SYN3: variants seen among roughly 807,000 people sequenced by gnomAD.
The protein encoded by SYN3 is synapsin-3.
SYN3 carries 35 observed loss-of-function variants against 65.8 expected under a neutral mutation model. That is an observed-to-expected ratio of 0.53 (90% CI 0.41 to 0.70). The LOEUF is 0.70. Ranked by LOEUF, SYN3 falls within the 30% of genes least tolerant of loss-of-function variation. SYN3 has a pLI of 0.00. For synonymous variants in SYN3, 270 were observed against 292.9 expected (o/e 0.92, Z 0.80); for missense variants, 680 against 749.0 (o/e 0.91, Z 1.08).
intron 2 of SYN3, among the ~76,000 whole-genome samples, chr22:32,983,814 A>G (rs190991102): frequency 6.6e-6 from 1 of 152,308 alleles, no homozygotes; most frequent in East Asian, 1.9e-4. Context: ...CCTATGGGTC[A>G]TATGTCTAAT....
At chr22:32,523,267 C>A (rs963471049) in intron 12 of SYN3, among the ~76,000 whole-genome samples, 1 of 152,182 alleles carries the variant, frequency 6.6e-6, no homozygotes, top group African/African-American at 2.4e-5. Context: ...AATCCCAGCA[C>A]TTTGGGAGGC....
At chr22:33,027,950 C>A (rs148300728) in intron 1 of SYN3, among the ~76,000 whole-genome samples, 73 of 152,294 alleles carry the variant, frequency 4.8e-4, no homozygotes, top group Non-Finnish European at 1.0e-3. Flanking sequence ...TGTACAAATA[C>A]AAACGCTTAT....
At chr22:33,011,517 AC>A (rs1346991364) in intron 1 of SYN3, among the ~76,000 whole-genome samples, 1 of 152,152 alleles carries the variant, frequency 6.6e-6, no homozygotes, top group Non-Finnish European at 1.5e-5. Context: ...TGACAAAAAA[AC>A]ATTGGTCTGT....
chr22:32,965,553 T>C lies in SYN3; in HGVS notation c.369+15092A>G, dbSNP rs528684610. On this transcript the variant is annotated intron_variant, in intron 3 of 13. Transcript: ENST00000358763. ...TAATTATGGTGCGTACGTGTGTGTGTGTGTGTGTGTGTGTGTGTGTGTGCA... is the reference window on the plus strand; with the variant it reads ...TAATTATGGTGCGTACGTGTGTGTGCGTGTGTGTGTGTGTGTGTGTGTGCA... Among the ~76,000 whole-genome samples the C allele has an allele frequency of 2.4e-3, 370 of 151,498 alleles. 1 individual carries two copies. Among genetic ancestry groups the C allele is most frequent in the Non-Finnish European group, 2.2e-3 (151 of 67,856 alleles).
At chr22:32,880,097 C>T (rs2049087828) in intron 4 of SYN3, among the ~76,000 whole-genome samples, 1 of 149,532 alleles carries the variant, frequency 6.7e-6, no homozygotes. Context: ...TGTAGCTGTG[C>T]ATCTGAGCTC....
At chr22:32,594,236 C>T (rs985044642) in intron 7 of SYN3, among the ~76,000 whole-genome samples, 1 of 152,100 alleles carries the variant, frequency 6.6e-6, no homozygotes, top group Non-Finnish European at 1.5e-5. Context: ...CTCCTGTGTA[C>T]CGGGTGCCAC....
At chr22:33,017,904 C>T (rs1273942505) in intron 1 of SYN3, among the ~76,000 whole-genome samples, 3 of 151,876 alleles carry the variant, frequency 2.0e-5, no homozygotes, top group Non-Finnish European at 4.4e-5. Context: ...AGCAAAGGCA[C>T]TAAGGTAGGA....
chr22:32,672,252 G>A (rs2147070859), intron 6 of SYN3, among the ~76,000 whole-genome samples: 1 of 152,064 alleles, frequency 6.6e-6, no homozygotes, highest in Non-Finnish European at 1.5e-5. Flanking sequence ...CCCATCCTTG[G>A]GTCCATCTAT....
chr22:32,842,327 C>T (rs953324016), intron 6 of SYN3, among the ~76,000 whole-genome samples: 1 of 152,136 alleles, frequency 6.6e-6, no homozygotes, highest in African/African-American at 2.4e-5. Context: ...CAGAGGGACC[C>T]AGTCCAGGCA....
intron 7 of SYN3, among the ~76,000 whole-genome samples, chr22:32,581,792 C>CTTTTTTTTTTTTTTTT (rs10716395): frequency 3.6e-5 from 3 of 84,318 alleles, no homozygotes; most frequent in Non-Finnish European, 4.4e-5. Context: ...TTCTTTCTTT[C>CTTTTTTTTTTTTTTTT]TTTTTTTTTT....
At chr22:32,708,182 G>C (rs5754225) in intron 6 of SYN3, among the ~76,000 whole-genome samples, 7,045 of 152,354 alleles carry the variant, frequency 0.046, 178 homozygotes, top group South Asian at 0.067. Flanking sequence ...AGCAGGCAGT[G>C]GTGTGGCCAC....
At chr22:32,755,184 A>T (rs544478965) in intron 6 of SYN3, among the ~76,000 whole-genome samples, 24 of 152,202 alleles carry the variant, frequency 1.6e-4, no homozygotes, top group Admixed American at 1.2e-3. Context: ...ATCTTGTTAA[A>T]TCCCATCACC....
chr22:32,890,785 T>C (rs557955200), intron 4 of SYN3, among the ~76,000 whole-genome samples: 2 of 152,132 alleles, frequency 1.3e-5, no homozygotes, highest in Non-Finnish European at 2.9e-5. Context: ...TCCATCTTCA[T>C]TGATTTATAA....
chr22:32,639,245 G>C (rs572309558), intron 6 of SYN3, among the ~76,000 whole-genome samples: 2 of 152,118 alleles, frequency 1.3e-5, no homozygotes, highest in Non-Finnish European at 2.9e-5. Flanking sequence ...GAGCCACCAC[G>C]CCTGGCCCAT....
intron 6 of SYN3, among the ~76,000 whole-genome samples, chr22:32,767,738 G>C (rs528827862): frequency 1.3e-5 from 2 of 152,002 alleles, no homozygotes; most frequent in Non-Finnish European, 1.5e-5. Flanking sequence ...GAACATTTAG[G>C]ATTTTCTCTT....
At chr22:32,679,947 A>T (rs895706349) in intron 6 of SYN3, among the ~76,000 whole-genome samples, 4 of 137,030 alleles carry the variant, frequency 2.9e-5, no homozygotes, top group African/African-American at 1.1e-4. Flanking sequence ...ATTTTACTAA[A>T]TTACCTTGAT....
At chr22:32,685,970 C>A (rs371743010) in intron 6 of SYN3, among the ~76,000 whole-genome samples, 3 of 152,010 alleles carry the variant, frequency 2.0e-5, no homozygotes, top group Non-Finnish European at 4.4e-5. Flanking sequence ...AGAAAAAAGT[C>A]ATTAAAAAAC....
intron 1 of SYN3, among the ~76,000 whole-genome samples, chr22:33,041,416 G>A (rs746872513): frequency 1.1e-4 from 17 of 151,036 alleles, no homozygotes; most frequent in Non-Finnish European, 2.1e-4. Flanking sequence ...TCAGCCTCCC[G>A]AGCAGCTGGG....
intron 6 of SYN3, among the ~76,000 whole-genome samples, chr22:32,708,538 G>C (rs561255060): frequency 6.6e-6 from 1 of 152,294 alleles, no homozygotes; most frequent in African/African-American, 2.4e-5. Flanking sequence ...TCCCTGCTGA[G>C]GCTTAGATGG....
Sources: gnomAD v4.1 joint callset for allele counts (sites outside exome capture counted in the v4.1 genomes callset) on GRCh38, gnomAD v4.1.1 for gene constraint, MANE v1.5 for transcripts, NCBI Gene and HGNC (gene_info 2026-07-23, HGNC 2026-07-21) for gene names.